CYYR1: variants seen among roughly 807,000 people sequenced by gnomAD.
The protein encoded by CYYR1 is cysteine and tyrosine rich 1.
CYYR1 carries 14 observed loss-of-function variants against 15.2 expected under a neutral mutation model. That is an observed-to-expected ratio of 0.92 (90% CI 0.61 to 1.44). The LOEUF is 1.44. CYYR1 is among the 40% of genes most tolerant of loss of function. The probability of loss-of-function intolerance (pLI) is 0.00; values close to 1 mark genes in which losing one functional copy is unlikely to be tolerated. For missense variants in CYYR1, 228 were observed against 209.5 expected (o/e 1.09, Z -0.54); for synonymous variants, 80 against 77.4 (o/e 1.03, Z -0.18).
At chr21:26,523,066 G>A (rs777777764) in intron 2 of CYYR1, among the ~76,000 whole-genome samples, 1 of 152,156 alleles carries the variant, frequency 6.6e-6, no homozygotes, top group South Asian at 2.1e-4. Flanking sequence ...AATTATTTTC[G>A]AAGTTTAACT....
intron 2 of CYYR1, among the ~76,000 whole-genome samples, chr21:26,490,828 A>C (rs2065317273): frequency 6.6e-6 from 1 of 152,194 alleles, no homozygotes; most frequent in African/African-American, 2.4e-5. Context: ...TCATCCACTC[A>C]ACAAATGCTA....
In CYYR1 at chr21:26,522,610, T is replaced by G. The variant is rs144090013; in HGVS notation, c.177-42181A>C. ...GTTCCATAGTAGGATAAACCTTAAT[T>G]TATTTCAACCACATTTATGAGCACT... On this transcript the variant is annotated intron_variant, in intron 2 of 3. Transcript: ENST00000652641. Among the ~76,000 whole-genome samples the G allele has an allele frequency of 4.9e-4, 74 of 152,294 alleles. No individual in the cohort carries two copies. In the East Asian group the frequency reaches 0.013, roughly 26 times the overall value.
intron 2 of CYYR1, among the ~76,000 whole-genome samples, chr21:26,521,781 CAAA>C (rs1007915872): frequency 1.3e-5 from 2 of 152,096 alleles, no homozygotes; most frequent in Non-Finnish European, 2.9e-5. Flanking sequence ...AATTATATAT[CAAA>C]GAAGAAAATA....
chr21:26,486,939 C>T (rs536235485), intron 2 of CYYR1, among the ~76,000 whole-genome samples: 2 of 152,038 alleles, frequency 1.3e-5, no homozygotes, highest in East Asian at 3.9e-4. Context: ...TCGGATACGA[C>T]CCAATTTACA....
At chr21:26,523,278 TCTTTATGC>T (rs1236288423) in intron 2 of CYYR1, among the ~76,000 whole-genome samples, 1 of 152,186 alleles carries the variant, frequency 6.6e-6, no homozygotes, top group Non-Finnish European at 1.5e-5. Flanking sequence ...TACTCATTTG[TCTTTATGC>T]CTGTGCTGTT....
intron 2 of CYYR1, 147 bp from the exon 3 acceptor site, chr21:26,480,576 T>A (rs1988683265): frequency 2.4e-5 from 19 of 802,834 alleles, no homozygotes; most frequent in Middle Eastern, 3.2e-4. Flanking sequence ...TTTTTTTTTT[T>A]AAAACCCATA....
At chr21:26,509,958 ATCT>A (rs1337925127) in intron 2 of CYYR1, among the ~76,000 whole-genome samples, 3 of 152,188 alleles carry the variant, frequency 2.0e-5, no homozygotes, top group Admixed American at 6.5e-5. Context: ...CTCTGGAATG[ATCT>A]TCTTAAGATG....
chr21:26,471,321 C>T (rs898761098), intron 3 of CYYR1: 2 of 152,218 alleles, frequency 1.3e-5, no homozygotes, highest in Non-Finnish European at 2.9e-5. Context: ...GCTGATTCTG[C>T]AGATTGACTC....
intron 2 of CYYR1, among the ~76,000 whole-genome samples, chr21:26,521,501 A>G (rs1569158958): frequency 6.6e-6 from 1 of 152,240 alleles, no homozygotes; most frequent in Non-Finnish European, 1.5e-5. Context: ...AATTCCCATA[A>G]GAAACATCAG....
intron 1 of CYYR1, among the ~76,000 whole-genome samples, chr21:26,569,460 G>A (rs1980869685): frequency 6.6e-6 from 1 of 152,140 alleles, no homozygotes; most frequent in African/African-American, 2.4e-5. Context: ...AGGGAGTGGG[G>A]AGGGTTGAAA....
chr21:26,507,409 AT>A (rs2065583271), intron 2 of CYYR1, among the ~76,000 whole-genome samples: 1 of 152,190 alleles, frequency 6.6e-6, no homozygotes, highest in African/African-American at 2.4e-5. Context: ...ATGTCTTTAC[AT>A]TTCTCATTAT....
chr21:26,531,748 A>G (rs149818707), intron 2 of CYYR1, among the ~76,000 whole-genome samples: 2 of 152,096 alleles, frequency 1.3e-5, no homozygotes, highest in Non-Finnish European at 2.9e-5. Flanking sequence ...TATGACAATG[A>G]CTTTATTAAC....
At chr21:26,520,042 A>G (rs995518619) in intron 2 of CYYR1, among the ~76,000 whole-genome samples, 38 of 150,942 alleles carry the variant, frequency 2.5e-4, no homozygotes, top group African/African-American at 9.3e-4. Flanking sequence ...ATGGAATACT[A>G]TGAAGCCATA....
At chr21:26,478,599 G>A (rs899840496) in intron 3 of CYYR1, among the ~76,000 whole-genome samples, 3 of 152,078 alleles carry the variant, frequency 2.0e-5, no homozygotes, top group Admixed American at 2.0e-4. Flanking sequence ...CGGGAAATGG[G>A]GAACCGCTGG....
intron 2 of CYYR1, among the ~76,000 whole-genome samples, chr21:26,517,250 C>G (rs2065743958): frequency 2.0e-5 from 3 of 150,486 alleles, no homozygotes; most frequent in African/African-American, 7.3e-5. Flanking sequence ...TAGGGCAGCT[C>G]TATAGTAGGA....
chr21:26,485,748 A>G (rs1396168763), intron 2 of CYYR1, among the ~76,000 whole-genome samples: 4 of 152,114 alleles, frequency 2.6e-5, no homozygotes, highest in Admixed American at 1.3e-4. Flanking sequence ...GGTTTGACAA[A>G]TAAAGTTGCT....
chr21:26,487,916 CA>C (rs3085022), intron 2 of CYYR1, among the ~76,000 whole-genome samples: 4,028 of 143,114 alleles, frequency 0.028, 61 homozygotes, highest in Middle Eastern at 0.086. Flanking sequence ...ACATTACTTG[CA>C]AAAAAAAAAA....
chr21:26,557,491 A>T (rs181465664), intron 2 of CYYR1, among the ~76,000 whole-genome samples: 15 of 152,276 alleles, frequency 9.9e-5, no homozygotes, highest in African/African-American at 3.6e-4. Flanking sequence ...AAAGGCATTG[A>T]TTGTCCCCAC....
intron 2 of CYYR1, among the ~76,000 whole-genome samples, chr21:26,519,504 A>C (rs928933998): frequency 2.0e-5 from 3 of 152,156 alleles, no homozygotes; most frequent in African/African-American, 7.2e-5. Flanking sequence ...CATATGGGAA[A>C]AATGGCAGGA....
Sources: allele counts gnomAD v4.1 joint callset (sites outside exome capture counted in the v4.1 genomes callset), GRCh38; gene constraint gnomAD v4.1.1; transcripts MANE v1.5; gene names NCBI Gene and HGNC (gene_info 2026-07-23, HGNC 2026-07-21).